FER1L5: variants seen among roughly 807,000 people sequenced by gnomAD.
FER1L5 encodes the protein fer-1-like protein 5.
Under a neutral mutation model 279.9 loss-of-function variants are expected in FER1L5, and 187 were observed. The ratio of observed to expected loss-of-function variants is 0.67; its 90% CI spans 0.59 to 0.75. FER1L5 has a LOEUF of 0.75. Ranked by LOEUF, FER1L5 falls within the 30% of genes least tolerant of loss-of-function variation. The pLI, the probability that FER1L5 is intolerant of heterozygous loss-of-function variation, is 0.00. For missense variants in FER1L5, 2,091 were observed against 2,594.4 expected (o/e 0.81, Z 4.21); for synonymous variants, 921 against 989.7 (o/e 0.93, Z 1.30).
Position 96,650,289 on chromosome 2 carries a change from G to T in FER1L5, c.504G>T (p.Gln168His). 6 of 1,551,152 alleles carry T rather than the reference G, an allele frequency of 3.9e-6. No individual in the cohort carries two copies. The highest frequency in any genetic ancestry group is 5.2e-6 in the Non-Finnish European group (6 of 1,146,542). The change falls in exon 6 of 53, where the codon CAG becomes CAT. Residue 168 changes from glutamine to histidine, a missense_variant and splice_region_variant. By Grantham distance (24) the Gln-to-His change is conservative. Transcript: ENST00000624922. ...TGTCCTCAAAGCCTCAGCACTTTCAGGTGAGGACCTTCCAGGTTGCAAGTT... is the reference window on the plus strand; with the variant it reads ...TGTCCTCAAAGCCTCAGCACTTTCATGTGAGGACCTTCCAGGTTGCAAGTT... ...RALSSKPQHF[Q>H]VRVKVFEARQ...
intron 14 of FER1L5, among the ~76,000 whole-genome samples, chr2:96,668,234 G>A (rs946007138): frequency 6.6e-6 from 1 of 152,104 alleles, no homozygotes; most frequent in African/African-American, 2.4e-5. Context: ...TATTCAAATG[G>A]GAGGCCCAGC....
In FER1L5 at chr2:96,695,836, A is replaced by G; in HGVS notation, c.3989A>G (p.Asn1330Ser). The G allele has an allele frequency of 6.2e-7, 1 of 1,613,540 alleles. No homozygotes were observed. Among genetic ancestry groups the G allele is most frequent in the Non-Finnish European group, 8.5e-7 (1 of 1,179,754 alleles). The stretch of plus-strand genomic sequence containing the variant: ...CAGCAGACCGTGACGGGCCAGGCCA[A>G]CATCGACTTCCTCCAGCCCTACTTC... ...FGQQTVTGQA[N>S]IDFLQPYFCD... Residue 1330 changes from asparagine (N) to serine (S), a missense_variant, in exon 36 of 53, where the codon AAC becomes AGC. Physicochemically the swap from Asn to Ser is conservative, Grantham distance 46. Coordinates refer to ENST00000624922, the MANE Select transcript of FER1L5 (RefSeq NM_001293083.2).
intron 6 of FER1L5, among the ~76,000 whole-genome samples, chr2:96,651,188 G>A (rs537085286): frequency 3.3e-5 from 5 of 152,134 alleles, no homozygotes; most frequent in Admixed American, 6.5e-5. Context: ...TCTCCCAGTG[G>A]ATTGTCTGTC....
At chr2:96,661,640 G>A (rs1353624621) in intron 11 of FER1L5, 28 bp from the exon 12 acceptor site, 3 of 1,551,496 alleles carry the variant, frequency 1.9e-6, no homozygotes, top group South Asian at 1.2e-5. Flanking sequence ...CCATTACCTT[G>A]ACTATATCAG....
At chr2:96,682,784 T>C (rs2076777694) in intron 19 of FER1L5, among the ~76,000 whole-genome samples, 1 of 152,256 alleles carries the variant, frequency 6.6e-6, no homozygotes, top group Admixed American at 6.5e-5. Flanking sequence ...TGGCTCATTG[T>C]AGCCTCAAAC....
chr2:96,681,385 T>A (rs897076843), intron 19 of FER1L5, among the ~76,000 whole-genome samples: 1 of 151,984 alleles, frequency 6.6e-6, no homozygotes, highest in Non-Finnish European at 1.5e-5. Context: ...AATAAATAAA[T>A]AAAAATAAAG....
chr2:96,694,448 A>G lies in FER1L5; in HGVS notation c.3725A>G (p.Lys1242Arg). Residue 1242 changes from lysine to arginine, a missense_variant, in exon 34 of 53, where the codon AAG becomes AGG. Coordinates refer to ENST00000624922, the MANE Select transcript of FER1L5 (RefSeq NM_001293083.2). The surrounding 1 kb of genome is among the most constrained non-coding windows in gnomAD (Gnocchi z 4.6). ...TLPKSIQPTI[K>R]RMAIEILAWG... Reference sequence around the variant, plus strand: ...CCCAAGAGCATCCAGCCCACGATAAAGAGGATGGCCATTGAGGTGCTGGCG... The same window carrying G: ...CCCAAGAGCATCCAGCCCACGATAAGGAGGATGGCCATTGAGGTGCTGGCG... 6.5e-7 allele frequency: 1 copy of G among 1,546,792 alleles called. No homozygotes were observed. Among genetic ancestry groups the G allele is most frequent in the Non-Finnish European group, 8.7e-7 (1 of 1,144,078 alleles).
chr2:96,681,682 T>C (rs575967579), intron 19 of FER1L5, among the ~76,000 whole-genome samples: 10 of 152,308 alleles, frequency 6.6e-5, no homozygotes, highest in Non-Finnish European at 1.3e-4. Context: ...GGTATAGTCA[T>C]AGCTCATTCA....
chr2:96,692,032 C>CG (rs2077172150), intron 30 of FER1L5, 69 bp downstream of exon 30: 43 of 1,499,598 alleles, frequency 2.9e-5, no homozygotes, highest in Non-Finnish European at 3.7e-5. Flanking sequence ...GGGGGGGGGA[C>CG]AGGGTGGGGG....
In FER1L5 at chr2:96,692,038, G is replaced by C. The variant is rs1292594885; in HGVS notation, c.3215-66G>C. ...CGAGGGCGGGGGGGGGGGACAGGGTGGGGGCAGTCAGAGGGAGCCGCTGGG... is the reference window on the plus strand; with the variant it reads ...CGAGGGCGGGGGGGGGGGACAGGGTCGGGGCAGTCAGAGGGAGCCGCTGGG... On this transcript the variant is annotated intron_variant, in intron 30 of 52. Coordinates refer to ENST00000624922, the MANE Select transcript of FER1L5 (RefSeq NM_001293083.2). 16 of 1,545,932 alleles carry C rather than the reference G, an allele frequency of 1.0e-5. No individual in the cohort carries two copies. In the South Asian group the frequency reaches 1.9e-4, roughly 18 times the overall value.
intron 19 of FER1L5, among the ~76,000 whole-genome samples, chr2:96,678,453 A>G (rs1291532331): frequency 6.7e-6 from 1 of 150,176 alleles, no homozygotes; most frequent in Non-Finnish European, 1.5e-5. Context: ...CTATTCTTTG[A>G]GACAGGGTCT....
chr2:96,679,449 C>G (rs535656869), intron 19 of FER1L5, among the ~76,000 whole-genome samples: 2 of 152,232 alleles, frequency 1.3e-5, no homozygotes, highest in South Asian at 4.1e-4. Flanking sequence ...GTCTCGATCT[C>G]GTGACCTCGT....
At chr2:96,669,784 C>A (rs1384226728) in intron 17 of FER1L5, among the ~76,000 whole-genome samples, 3 of 152,170 alleles carry the variant, frequency 2.0e-5, no homozygotes, top group African/African-American at 7.2e-5. Context: ...GTGTGCTCCC[C>A]GTGGCTCACA....
intron 2 of FER1L5, 145 bp downstream of exon 2, chr2:96,646,598 G>C: frequency 1.2e-6 from 1 of 837,008 alleles, no homozygotes; most frequent in Non-Finnish European, 1.9e-6. Flanking sequence ...CTTGGCCTGG[G>C]AGTAGCAGCC....
chr2:96,669,259 G>A (rs1221219350), intron 17 of FER1L5, 122 bp downstream of exon 17: 3 of 953,636 alleles, frequency 3.1e-6, no homozygotes, highest in Non-Finnish European at 4.6e-6. Context: ...GTCTTGTGGA[G>A]GACGTGAAGC....
chr2:96,701,885 G>T lies in FER1L5; in HGVS notation c.5071-70G>T, dbSNP rs1441331822. On this transcript the variant is annotated intron_variant, in intron 45 of 52. Coordinates refer to ENST00000624922, the MANE Select transcript of FER1L5 (RefSeq NM_001293083.2). ...CAACAGACCTCAGAACCTGGGACAG[G>T]GAACCCCAGGCCAGCCTGCTGAGAA... 2.7e-6 allele frequency: 4 copies of T among 1,493,356 alleles called. No individual in the cohort carries two copies. The Admixed American group carries it at 5.4e-5, about 20-fold the overall frequency. 92.5% of individuals were successfully genotyped at this position (1,493,356 alleles called of 1,614,324 possible).
chr2:96,672,319 G>A (rs1002460027), intron 18 of FER1L5, among the ~76,000 whole-genome samples: 7 of 151,894 alleles, frequency 4.6e-5, no homozygotes, highest in Admixed American at 1.3e-4. Context: ...CTTGTGATCC[G>A]CCCGCCTCAG....
intron 14 of FER1L5, among the ~76,000 whole-genome samples, chr2:96,666,442 C>T (rs899335008): frequency 6.6e-6 from 1 of 151,774 alleles, no homozygotes; most frequent in Non-Finnish European, 1.5e-5. Context: ...ACCTGGAAAG[C>T]CCTTTCCTCT....
intron 45 of FER1L5, 138 bp downstream of exon 45, chr2:96,700,609 C>A: frequency 3.4e-6 from 4 of 1,168,814 alleles, no homozygotes; most frequent in South Asian, 1.5e-5. Flanking sequence ...GCACAGAAGA[C>A]AAGCATGCTG....
Sources: gnomAD v4.1 joint callset for allele counts (sites outside exome capture counted in the v4.1 genomes callset) on GRCh38, gnomAD v4.1.1 for gene constraint, Gnocchi (gnomAD v3.1) non-coding constraint, MANE v1.5 for transcripts, NCBI Gene and HGNC (gene_info 2026-07-23, HGNC 2026-07-21) for gene names.